The following SH3RF3 variants were observed in gnomAD, a reference collection of about 807,000 sequenced individuals.
SH3RF3 encodes the protein SH3 domain containing ring finger 3, also known as E3 ubiquitin-protein ligase SH3RF3.
Under a neutral mutation model 66.3 loss-of-function variants are expected in SH3RF3, and 29 were observed. The ratio of observed to expected loss-of-function variants is 0.44; its 90% CI spans 0.33 to 0.60. SH3RF3 has a LOEUF of 0.60. SH3RF3 is among the 20% of genes least tolerant of loss of function. SH3RF3 has a pLI of 0.04. For synonymous variants in SH3RF3, 583 were observed against 532.0 expected (o/e 1.10, Z -1.32); for missense variants, 1,194 against 1,190.9 (o/e 1.00, Z -0.04).
At chr2:109,375,335 C>T (rs547724971) in intron 3 of SH3RF3, among the ~76,000 whole-genome samples, 4 of 152,340 alleles carry the variant, frequency 2.6e-5, no homozygotes, top group Admixed American at 1.3e-4. Flanking sequence ...GCCGTCCCCA[C>T]GCCAGGACCC....
chr2:109,349,889 G>A (rs978680017), intron 2 of SH3RF3, among the ~76,000 whole-genome samples: 14 of 152,384 alleles, frequency 9.2e-5, no homozygotes, highest in African/African-American at 2.9e-4. Flanking sequence ...CTGGACAAGA[G>A]GACAAAGGGC....
intron 1 of SH3RF3, among the ~76,000 whole-genome samples, chr2:109,155,543 C>T (rs1388601101): frequency 1.3e-5 from 2 of 152,246 alleles, no homozygotes; most frequent in South Asian, 2.1e-4. Flanking sequence ...CCTCGTGATC[C>T]GCCTGCCTCA....
chr2:109,432,711 A>C, intron 6 of SH3RF3, 40 bp downstream of exon 6: 1 of 1,589,882 alleles, frequency 6.3e-7, no homozygotes, highest in Non-Finnish European at 8.6e-7. Context: ...AGGAGAGGGC[A>C]AGGGCCTGCA....
chr2:109,211,199 C>T (rs928783232), intron 1 of SH3RF3, among the ~76,000 whole-genome samples: 2 of 152,196 alleles, frequency 1.3e-5, no homozygotes, highest in African/African-American at 4.8e-5. Flanking sequence ...GTGGGGGCTG[C>T]TCCTTGGCTG....
intron 1 of SH3RF3, among the ~76,000 whole-genome samples, chr2:109,248,492 C>T (rs1371333623): frequency 6.6e-6 from 1 of 152,218 alleles, no homozygotes; most frequent in African/African-American, 2.4e-5. Flanking sequence ...TGCAGGCCTG[C>T]TCTGCAAGTG....
At chr2:109,166,702 G>A (rs957726791) in intron 1 of SH3RF3, among the ~76,000 whole-genome samples, 1 of 152,172 alleles carries the variant, frequency 6.6e-6, no homozygotes, top group Non-Finnish European at 1.5e-5. Context: ...CTTTTTCAAA[G>A]CAATTTGGAA....
chr2:109,470,228 G>T (rs1373884156), intron 8 of SH3RF3, among the ~76,000 whole-genome samples: 1 of 152,190 alleles, frequency 6.6e-6, no homozygotes, highest in Non-Finnish European at 1.5e-5. Context: ...ACTTTGGAAT[G>T]ACTTATTTCC....
chr2:109,426,775 A>G (rs1677037234), intron 5 of SH3RF3, among the ~76,000 whole-genome samples: 1 of 152,176 alleles, frequency 6.6e-6, no homozygotes, highest in Non-Finnish European at 1.5e-5. Flanking sequence ...ATCTATCATG[A>G]AAGAAAGAGT....
At chr2:109,392,668 G>A (rs1393534104) in intron 3 of SH3RF3, among the ~76,000 whole-genome samples, 4 of 152,108 alleles carry the variant, frequency 2.6e-5, no homozygotes, top group Non-Finnish European at 5.9e-5. Flanking sequence ...ACAGGCGCCT[G>A]CCACCACGCC....
At chr2:109,209,620 G>A (rs902679946) in intron 1 of SH3RF3, among the ~76,000 whole-genome samples, 11 of 152,068 alleles carry the variant, frequency 7.2e-5, no homozygotes, top group Admixed American at 5.2e-4. Context: ...TGTGTAGGTG[G>A]GGAGGAAAGG....
At chr2:109,238,741 A>T (rs1679707266) in intron 1 of SH3RF3, among the ~76,000 whole-genome samples, 1 of 152,188 alleles carries the variant, frequency 6.6e-6, no homozygotes, top group Admixed American at 6.5e-5. Context: ...TCCCCCAGGC[A>T]GCTGCTACAT....
intron 8 of SH3RF3, among the ~76,000 whole-genome samples, chr2:109,467,573 G>C (rs1259506078): frequency 6.6e-6 from 1 of 152,162 alleles, no homozygotes; most frequent in Non-Finnish European, 1.5e-5. Flanking sequence ...GCTGCAGGGG[G>C]ATCTGCTAAG....
intron 1 of SH3RF3, among the ~76,000 whole-genome samples, chr2:109,229,986 G>A (rs554278833): frequency 3.3e-5 from 5 of 151,884 alleles, no homozygotes; most frequent in East Asian, 1.9e-4. Flanking sequence ...CAGTATGCCC[G>A]GCTAATTTTT....
At chr2:109,187,666 C>A (rs1352493837) in intron 1 of SH3RF3, among the ~76,000 whole-genome samples, 6 of 152,180 alleles carry the variant, frequency 3.9e-5, no homozygotes, top group Non-Finnish European at 1.5e-5. Context: ...CATGTACACT[C>A]TGATGTTCAC....
At chr2:109,253,062 C>T (rs762525327) in intron 1 of SH3RF3, among the ~76,000 whole-genome samples, 12 of 151,900 alleles carry the variant, frequency 7.9e-5, no homozygotes, top group Non-Finnish European at 1.0e-4. Context: ...GAGTCTTGCT[C>T]TGTTGCCCAG....
chr2:109,130,986 T>C (rs563100532), intron 1 of SH3RF3, among the ~76,000 whole-genome samples: 1 of 152,300 alleles, frequency 6.6e-6, no homozygotes, highest in East Asian at 1.9e-4. Flanking sequence ...TTAATTTCTT[T>C]AAATGGAGAA....
In SH3RF3 at chr2:109,130,045, G is replaced by A. The variant is rs906578565; in HGVS notation, c.505G>A (p.Ala169Thr). 10 of 1,358,404 alleles carry A rather than the reference G, an allele frequency of 7.4e-6. No homozygotes were observed. The highest frequency in any genetic ancestry group is 7.6e-6 in the Non-Finnish European group (8 of 1,058,120). The allele number at this position is 1,358,404 out of a possible 1,614,324, so 84.1% of individuals were successfully genotyped here. A position where few individuals can be genotyped will look rare whatever the true frequency, so the allele number is the denominator to read the frequency against. ...CCCGGGTTCCCCGGTTTTCCTCTCC[G>A]CGGCCGCGGGCAGCACCGCCGGCAG... ...STPGSPVFLS[A>T]AAGSTAGSLR... The change falls in exon 1 of 10, where the codon GCG becomes ACG. Residue 169 changes from alanine to threonine, a missense_variant. Physicochemically the swap from Ala to Thr is moderately conservative, Grantham distance 58. Transcript: ENST00000309415.
chr2:109,368,495 A>G (rs1218411121), intron 2 of SH3RF3, among the ~76,000 whole-genome samples: 3 of 152,140 alleles, frequency 2.0e-5, no homozygotes, highest in African/African-American at 7.2e-5. Flanking sequence ...TTGCTGGTAT[A>G]TGAGAAAGCC....
At chr2:109,238,326 A>T (rs539793663) in intron 1 of SH3RF3, among the ~76,000 whole-genome samples, 72 of 152,364 alleles carry the variant, frequency 4.7e-4, no homozygotes, top group Non-Finnish European at 7.8e-4. Context: ...TAAAAATCTT[A>T]TAAATCTATG....
Sources: allele counts gnomAD v4.1 joint callset (sites outside exome capture counted in the v4.1 genomes callset), GRCh38; gene constraint gnomAD v4.1.1; transcripts MANE v1.5; gene names NCBI Gene and HGNC (gene_info 2026-07-23, HGNC 2026-07-21).